SRGAP1: variants seen among roughly 807,000 people sequenced by gnomAD.
SRGAP1 encodes the protein SLIT-ROBO Rho GTPase activating protein 1.
A neutral mutation model predicts 121.9 loss-of-function variants in SRGAP1; 43 were observed. The observed-to-expected ratio is 0.35, with a 90% CI of 0.28 to 0.46. The LOEUF is 0.46. Ranked by LOEUF, SRGAP1 falls within the 20% of genes least tolerant of loss-of-function variation. SRGAP1 has a pLI of 1.00. For missense variants in SRGAP1, 1,102 were observed against 1,350.9 expected, an observed-to-expected ratio of 0.82 and a Z score of 2.89; for synonymous variants, 447 against 485.4, an observed-to-expected ratio of 0.92 and a Z score of 1.04.
chr12:64,123,647 T>TATTC (rs749225288), intron 18 of SRGAP1, among the ~76,000 whole-genome samples: 1 of 48,096 alleles, frequency 2.1e-5, no homozygotes, highest in Non-Finnish European at 5.1e-5. Flanking sequence ...CTAAAGGATT[T>TATTC]ATTTATTTAT....
intron 1 of SRGAP1, among the ~76,000 whole-genome samples, chr12:63,970,717 C>T (rs907127055): frequency 1.1e-4 from 17 of 152,236 alleles, no homozygotes; most frequent in Middle Eastern, 3.4e-3. Flanking sequence ...TATCCTTGAA[C>T]GTAGCTGGAA....
At chr12:64,088,382 G>A (rs1275802020) in intron 11 of SRGAP1, among the ~76,000 whole-genome samples, 2 of 152,040 alleles carry the variant, frequency 1.3e-5, no homozygotes, top group African/African-American at 4.8e-5. Flanking sequence ...TTACTGTAAG[G>A]CACTTCAAAA....
intron 3 of SRGAP1, among the ~76,000 whole-genome samples, chr12:63,991,817 G>C (rs2033563392): frequency 6.6e-6 from 1 of 152,150 alleles, no homozygotes; most frequent in Non-Finnish European, 1.5e-5. Context: ...TAACTCTACT[G>C]AGTTCATTTA....
chr12:63,987,637 G>A (rs1371698487), intron 2 of SRGAP1, among the ~76,000 whole-genome samples: 3 of 152,072 alleles, frequency 2.0e-5, no homozygotes, highest in South Asian at 2.1e-4. Context: ...CAGGAGAATC[G>A]CTTGAACCCC....
intron 1 of SRGAP1, among the ~76,000 whole-genome samples, chr12:63,886,536 C>T (rs1175886774): frequency 6.6e-6 from 1 of 151,886 alleles, no homozygotes; most frequent in Admixed American, 6.6e-5. Flanking sequence ...GGCTGGAGTC[C>T]AGGCACAATC....
intron 18 of SRGAP1, among the ~76,000 whole-genome samples, chr12:64,117,920 A>G (rs2036548272): frequency 6.6e-6 from 1 of 152,188 alleles, no homozygotes; most frequent in Non-Finnish European, 1.5e-5. Context: ...ATGCTGTCAC[A>G]TATGTCGGGA....
At chr12:63,868,151 G>T (rs1437728950) in intron 1 of SRGAP1, among the ~76,000 whole-genome samples, 1 of 137,106 alleles carries the variant, frequency 7.3e-6, no homozygotes, top group Non-Finnish European at 1.5e-5. Flanking sequence ...GCACGATCTC[G>T]GCTCACTGCA....
intron 10 of SRGAP1, among the ~76,000 whole-genome samples, chr12:64,086,112 A>G (rs1226776814): frequency 5.3e-5 from 8 of 152,188 alleles, no homozygotes. Context: ...GCATTATGAT[A>G]TGATAGGCTG....
chr12:64,085,654 T>C (rs2035924305), intron 10 of SRGAP1, among the ~76,000 whole-genome samples: 1 of 152,152 alleles, frequency 6.6e-6, no homozygotes, highest in Non-Finnish European at 1.5e-5. Flanking sequence ...CCACTCTACT[T>C]CTCAGTAGAC....
At chr12:64,079,402 G>A (rs1248255850) in intron 9 of SRGAP1, among the ~76,000 whole-genome samples, 4 of 151,750 alleles carry the variant, frequency 2.6e-5, no homozygotes, top group African/African-American at 9.7e-5. Flanking sequence ...GCTGAGGTGG[G>A]AGGATCATTT....
intron 21 of SRGAP1, among the ~76,000 whole-genome samples, chr12:64,139,316 A>T (rs1359426679): frequency 2.6e-5 from 4 of 152,226 alleles, no homozygotes; most frequent in Non-Finnish European, 5.9e-5. Context: ...AATTTCGAAG[A>T]ACTTCTTGGA....
intron 21 of SRGAP1, among the ~76,000 whole-genome samples, chr12:64,137,200 G>A (rs1354477628): frequency 1.3e-5 from 2 of 151,838 alleles, no homozygotes; most frequent in Admixed American, 6.6e-5. Context: ...GGAGGCGGAG[G>A]TCGCAGTGAG....
chr12:63,890,329 G>A (rs1174149479), intron 1 of SRGAP1, among the ~76,000 whole-genome samples: 1 of 152,174 alleles, frequency 6.6e-6, no homozygotes, highest in Non-Finnish European at 1.5e-5. Flanking sequence ...GAGGGTGTAG[G>A]TGAGTGGAGC....
intron 10 of SRGAP1, among the ~76,000 whole-genome samples, chr12:64,082,607 G>A (rs553057392): frequency 2.6e-5 from 4 of 152,116 alleles, no homozygotes; most frequent in South Asian, 4.2e-4. Flanking sequence ...TTGCCACCAC[G>A]CCCAGCTAAT....
intron 1 of SRGAP1, among the ~76,000 whole-genome samples, chr12:63,901,520 A>G (rs572034793): frequency 6.6e-6 from 1 of 152,216 alleles, no homozygotes; most frequent in East Asian, 1.9e-4. Flanking sequence ...ACACAGTGCC[A>G]TTTCTTTCTG....
At chr12:63,990,190 T>TA (rs1165316625) in intron 3 of SRGAP1, 118 bp downstream of exon 3, 2 of 787,226 alleles carry the variant, frequency 2.5e-6, no homozygotes, top group African/African-American at 3.5e-5. Flanking sequence ...AGACACAGAA[T>TA]AAACAGTTAA....
chr12:63,920,173 A>G (rs986868763), intron 1 of SRGAP1, among the ~76,000 whole-genome samples: 5 of 152,222 alleles, frequency 3.3e-5, no homozygotes, highest in African/African-American at 1.2e-4. Flanking sequence ...TGGTATTATA[A>G]AACATCTTAA....
chr12:63,903,313 G>A (rs2030025571), intron 1 of SRGAP1, among the ~76,000 whole-genome samples: 1 of 151,908 alleles, frequency 6.6e-6, no homozygotes, highest in Non-Finnish European at 1.5e-5. Context: ...CCTGGGTTCA[G>A]GTGATCCTTC....
At chr12:63,907,025 C>T (rs1321403855) in intron 1 of SRGAP1, among the ~76,000 whole-genome samples, 2 of 152,148 alleles carry the variant, frequency 1.3e-5, no homozygotes, top group East Asian at 3.9e-4. Context: ...TGTGTTCCCA[C>T]AGCAGTATGT....
Sources: gnomAD v4.1 joint callset for allele counts (sites outside exome capture counted in the v4.1 genomes callset) on GRCh38, gnomAD v4.1.1 for gene constraint, MANE v1.5 for transcripts, NCBI Gene and HGNC (gene_info 2026-07-23, HGNC 2026-07-21) for gene names.